NRAP: variants seen among roughly 807,000 people sequenced by gnomAD.
NRAP encodes nebulin-related-anchoring protein.
NRAP carries 189 observed loss-of-function variants against 225.9 expected under a neutral mutation model. The ratio of observed to expected loss-of-function variants is 0.84; its 90% CI spans 0.74 to 0.94. The LOEUF is 0.94. NRAP is among the 40% of genes least tolerant of loss of function. The probability of loss-of-function intolerance (pLI) is 0.00; values close to 1 mark genes in which losing one functional copy is unlikely to be tolerated. For synonymous variants in NRAP, 769 were observed against 790.7 expected (o/e 0.97, Z 0.46); for missense variants, 2,176 against 2,168.7 (o/e 1.00, Z -0.07).
intron 22 of NRAP, 62 bp from the exon 23 acceptor site, chr10:113,623,698 C>T: frequency 9.6e-7 from 1 of 1,036,648 alleles, no homozygotes; most frequent in Non-Finnish European, 1.5e-6. Flanking sequence ...CACGTGAGAG[C>T]ATTTCTCTAG....
intron 31 of NRAP, among the ~76,000 whole-genome samples, chr10:113,609,044 CA>C (rs1396677061): frequency 6.6e-6 from 1 of 152,144 alleles, no homozygotes; most frequent in East Asian, 1.9e-4. Context: ...TCTGTAATTC[CA>C]GCTACTTGGG....
chr10:113,604,069 G>A (rs1846772760), intron 35 of NRAP, among the ~76,000 whole-genome samples: 1 of 152,090 alleles, frequency 6.6e-6, no homozygotes, highest in South Asian at 2.1e-4. Context: ...GTTAACTGCT[G>A]CACTCTCAGG....
chr10:113,661,796 C>A (rs1850695903), intron 3 of NRAP, among the ~76,000 whole-genome samples: 1 of 152,178 alleles, frequency 6.6e-6, no homozygotes, highest in East Asian at 1.9e-4. Flanking sequence ...TTTGACTTAT[C>A]CCCACCCCAA....
At chr10:113,646,612 T>C (rs1489063975) in intron 10 of NRAP, among the ~76,000 whole-genome samples, 2 of 152,252 alleles carry the variant, frequency 1.3e-5, no homozygotes, top group African/African-American at 4.8e-5. Flanking sequence ...TAATCAGCTC[T>C]TCCCCTAAAT....
chr10:113,615,034 T>C, intron 27 of NRAP, 88 bp from the exon 28 acceptor site: 1 of 821,556 alleles, frequency 1.2e-6, no homozygotes, highest in Admixed American at 1.8e-5. Context: ...ATCTGGTTTG[T>C]GGTGGGTCCC....
At chr10:113,599,040 T>C (rs1846448672) in intron 35 of NRAP, among the ~76,000 whole-genome samples, 1 of 152,252 alleles carries the variant, frequency 6.6e-6, no homozygotes, top group South Asian at 2.1e-4. Flanking sequence ...ATTAGGCATT[T>C]TTTAAAGGTG....
In NRAP at chr10:113,634,215, G is replaced by A. The variant is rs201261153; in HGVS notation, c.1429-5C>T. 3.3e-4 allele frequency: 515 copies of A among 1,581,802 alleles called. 10 individuals carry two copies. The South Asian group carries it at 5.3e-3, about 16-fold the overall frequency. ...GATGCTCTGCCTATAATTGGCCTAGGTAAAAACAGGCACAAAAAGATGTCA... is the reference window on the plus strand; with the variant it reads ...GATGCTCTGCCTATAATTGGCCTAGATAAAAACAGGCACAAAAAGATGTCA... On this transcript the variant is annotated splice_polypyrimidine_tract_variant and splice_region_variant and intron_variant, in intron 14 of 41. Transcript: ENST00000359988.
intron 26 of NRAP, among the ~76,000 whole-genome samples, chr10:113,616,457 C>T (rs1194641690): frequency 6.6e-6 from 1 of 152,152 alleles, no homozygotes; most frequent in Non-Finnish European, 1.5e-5. Flanking sequence ...CTAGAGTTGG[C>T]TAGGATAAGG....
At chr10:113,638,537 C>T (rs1286524939) in intron 14 of NRAP, among the ~76,000 whole-genome samples, 1 of 152,014 alleles carries the variant, frequency 6.6e-6, no homozygotes, top group African/African-American at 2.4e-5. Context: ...TATTAAAATC[C>T]CTACATTATG....
At chr10:113,608,648 G>A (rs1847143606) in intron 31 of NRAP, 136 bp from the exon 32 acceptor site, 2 of 635,032 alleles carry the variant, frequency 3.1e-6, no homozygotes, top group Non-Finnish European at 2.8e-6. Context: ...AATCCAGATT[G>A]TCACCTGCCT....
At chr10:113,651,652 C>T (rs894408243) in intron 7 of NRAP, 151 bp downstream of exon 7, 20 of 578,032 alleles carry the variant, frequency 3.5e-5, no homozygotes, top group East Asian at 1.8e-4. Context: ...CCATCTGTGT[C>T]CCTGCAAAGG....
chr10:113,654,830 G>T (rs1379342110), intron 4 of NRAP, among the ~76,000 whole-genome samples: 1 of 152,134 alleles, frequency 6.6e-6, no homozygotes, highest in Non-Finnish European at 1.5e-5. Flanking sequence ...GTTTACTAAC[G>T]CATCCCAAAA....
chr10:113,626,198 A>T (rs566608858), intron 20 of NRAP, 53 bp from the exon 21 acceptor site: 4 of 1,229,890 alleles, frequency 3.3e-6, no homozygotes, highest in African/African-American at 3.0e-5. Flanking sequence ...TGCCCCTACC[A>T]CCCTACTCAT....
chr10:113,593,665 A>C (rs889864245), intron 38 of NRAP, among the ~76,000 whole-genome samples: 1 of 152,248 alleles, frequency 6.6e-6, no homozygotes, highest in Non-Finnish European at 1.5e-5. Flanking sequence ...AGGAATGTTC[A>C]GATTATGACA....
intron 33 of NRAP, 142 bp from the exon 34 acceptor site, chr10:113,606,011 C>T (rs1846939331): frequency 1.3e-5 from 10 of 776,252 alleles, no homozygotes; most frequent in Middle Eastern, 2.3e-4. Context: ...ACCCTGGGTA[C>T]ACTCATGGAC....
intron 38 of NRAP, among the ~76,000 whole-genome samples, chr10:113,593,966 C>G (rs918267998): frequency 1.3e-5 from 2 of 152,224 alleles, no homozygotes; most frequent in African/African-American, 4.8e-5. Context: ...TGTGCAGGCC[C>G]CTTTCTCTGG....
chr10:113,588,769 A>C lies in NRAP; in HGVS notation c.*206T>G, dbSNP rs1005354190. The stretch of plus-strand genomic sequence containing the variant: ...CTCAGCCCAGACACTCGAGGCACTC[A>C]ACAGAATCAGCCATCCACGTCTAGG... On this transcript the variant is annotated 3_prime_UTR_variant, in exon 42 of 42. Coordinates refer to ENST00000359988, the MANE Select transcript of NRAP (RefSeq NM_198060.4). 2 of 582,484 alleles carry C rather than the reference A, an allele frequency of 3.4e-6. No homozygotes were observed. The highest frequency in any genetic ancestry group is 3.7e-5 in the African/African-American group (2 of 53,594). 36.1% of individuals were successfully genotyped at this position (582,484 alleles called of 1,614,324 possible). A position where few individuals can be genotyped will look rare whatever the true frequency, so the allele number is the denominator to read the frequency against.
Position 113,589,337 on chromosome 10 carries a change from C to T in NRAP, c.5089-258G>A, listed in dbSNP as rs557301632. 21 of 567,042 alleles carry T rather than the reference C, an allele frequency of 3.7e-5. No individual in the cohort carries two copies. The Admixed American group carries it at 4.5e-4, about 12-fold the overall frequency. The allele number at this position is 567,042 out of a possible 1,614,324, so 35.1% of individuals were successfully genotyped here. A position where few individuals can be genotyped will look rare whatever the true frequency, so the allele number is the denominator to read the frequency against. ...TCAAAATGCAGACTGTCATATCCAG[C>T]GAGTCCCTGACCCTTTCTGCGAATG... On this transcript the variant is annotated intron_variant, in intron 41 of 41. Transcript: ENST00000359988.
In NRAP at chr10:113,589,017, A is replaced by G. The variant is rs1845757204; in HGVS notation, c.5151T>C (p.Thr1717=). Reference sequence around the variant, plus strand: ...TCTTCTTTTTGACGTGCAGAATCTCAGTGGCATCTGGGTTCACCTCCCCAC... The same window carrying G: ...TCTTCTTTTTGACGTGCAGAATCTCGGTGGCATCTGGGTTCACCTCCCCAC... ...HQSGEVNPDA[T]EILHVKKKKA... Residue 1717 remains threonine (T), a synonymous_variant, in exon 42 of 42, where the codon ACT becomes ACC. Transcript: ENST00000359988. 1 of 1,613,846 alleles carries G rather than the reference A, an allele frequency of 6.2e-7. No individual in the cohort carries two copies. The highest frequency in any genetic ancestry group is 1.1e-5 in the South Asian group (1 of 91,078).
Sources: gnomAD v4.1 joint callset for allele counts (sites outside exome capture counted in the v4.1 genomes callset) on GRCh38, gnomAD v4.1.1 for gene constraint, MANE v1.5 for transcripts, NCBI Gene and HGNC (gene_info 2026-07-23, HGNC 2026-07-21) for gene names.